The following CAPZB variants were observed in gnomAD, a reference collection of about 807,000 sequenced individuals.
The protein encoded by CAPZB is capping actin protein of muscle Z-line subunit beta.
A neutral mutation model predicts 38.1 loss-of-function variants in CAPZB; 2 were observed. The ratio of observed to expected loss-of-function variants is 0.05; its 90% CI spans 0.02 to 0.17. CAPZB has a LOEUF of 0.17. Among genes scored for constraint, CAPZB ranks in the 10% least tolerant of loss-of-function variants. The pLI is 1.00. For missense variants in CAPZB, 161 were observed against 334.2 expected (o/e 0.48, Z 4.04); for synonymous variants, 107 against 127.4 (o/e 0.84, Z 1.08).
chr1:19,379,286 G>A (rs1440475211), intron 3 of CAPZB, among the ~76,000 whole-genome samples: 2 of 151,912 alleles, frequency 1.3e-5, no homozygotes, highest in East Asian at 3.9e-4. Context: ...TTTAGTAGAG[G>A]CGGAGTTTGG....
chr1:19,400,466 G>A (rs2094297389), intron 2 of CAPZB, among the ~76,000 whole-genome samples: 1 of 152,162 alleles, frequency 6.6e-6, no homozygotes, highest in South Asian at 2.1e-4. Flanking sequence ...TGTTCTAAGG[G>A]GGGCGACCCA....
chr1:19,425,742 T>C (rs1433499123), intron 1 of CAPZB, among the ~76,000 whole-genome samples: 4 of 152,184 alleles, frequency 2.6e-5, no homozygotes, highest in African/African-American at 4.8e-5. Context: ...CATCTAAATA[T>C]CTGCTACAGT....
intron 2 of CAPZB, among the ~76,000 whole-genome samples, chr1:19,409,757 T>C (rs2094349417): frequency 6.6e-6 from 1 of 152,252 alleles, no homozygotes; most frequent in East Asian, 1.9e-4. Context: ...CAAATGCTTT[T>C]CAGAGTGTGT....
intron 2 of CAPZB, among the ~76,000 whole-genome samples, chr1:19,410,570 G>T (rs1400121180): frequency 6.6e-6 from 1 of 152,166 alleles, no homozygotes; most frequent in African/African-American, 2.4e-5. Context: ...CAGCCCAGCC[G>T]GTTGAAGGGA....
intron 2 of CAPZB, among the ~76,000 whole-genome samples, chr1:19,408,380 T>C (rs941867950): frequency 2.0e-5 from 3 of 152,198 alleles, no homozygotes; most frequent in Non-Finnish European, 4.4e-5. Context: ...TTTCGGAAAC[T>C]GTGGGAGATG....
intron 3 of CAPZB, among the ~76,000 whole-genome samples, chr1:19,381,266 C>G (rs1193202435): frequency 1.3e-5 from 2 of 151,570 alleles, no homozygotes; most frequent in Non-Finnish European, 3.0e-5. Context: ...CCCCCGCCCC[C>G]CCACCACAAC....
intron 4 of CAPZB, among the ~76,000 whole-genome samples, chr1:19,358,007 C>T (rs946573901): frequency 7.2e-5 from 11 of 152,226 alleles, no homozygotes; most frequent in African/African-American, 1.7e-4. Context: ...CACCCTGATC[C>T]CTCCTGAGCC....
At chr1:19,395,820 G>A (rs1001633752) in intron 2 of CAPZB, among the ~76,000 whole-genome samples, 3 of 152,176 alleles carry the variant, frequency 2.0e-5, no homozygotes, top group Non-Finnish European at 4.4e-5. Context: ...AACCACCTTC[G>A]AGTCACCAGA....
chr1:19,478,303 C>T (rs2094614131), intron 1 of CAPZB, among the ~76,000 whole-genome samples: 1 of 152,192 alleles, frequency 6.6e-6, no homozygotes, highest in Non-Finnish European at 1.5e-5. Context: ...CACCTATCAT[C>T]CATCCATGTT....
intron 2 of CAPZB, among the ~76,000 whole-genome samples, chr1:19,400,500 GC>G (rs2094297547): frequency 6.6e-6 from 1 of 152,242 alleles, no homozygotes; most frequent in South Asian, 2.1e-4. Flanking sequence ...CAGGGCCAGT[GC>G]CTGCCAACCG....
chr1:19,408,196 A>G lies in CAPZB; in HGVS notation c.93+11465T>C, dbSNP rs150002481. 5.8e-3 allele frequency among the ~76,000 whole-genome samples: 880 copies of G among 152,348 alleles called. 12 individuals carry two copies. The highest frequency in any genetic ancestry group is 0.019 in the African/African-American group (807 of 41,572). ...GAAAACTCAGCCCAAAAGGCTGCCC[A>G]GGGCATCAGGGCACAGCCTCTAGGC... On this transcript the variant is annotated intron_variant, in intron 2 of 8. Coordinates refer to ENST00000264202, the MANE Select transcript of CAPZB (RefSeq NM_004930.5).
At chr1:19,449,218 C>T (rs1040720534) in intron 1 of CAPZB, 26 of 1,133,158 alleles carry the variant, frequency 2.3e-5, no homozygotes, top group South Asian at 1.0e-4. Context: ...TTCCCAAAGC[C>T]GGAACCAGGA....
chr1:19,370,012 C>T (rs1399423184), intron 4 of CAPZB, among the ~76,000 whole-genome samples: 6 of 152,198 alleles, frequency 3.9e-5, no homozygotes, highest in Non-Finnish European at 5.9e-5. Flanking sequence ...AGCCTCCACA[C>T]TACTTCCGAG....
intron 1 of CAPZB, among the ~76,000 whole-genome samples, chr1:19,436,605 A>G (rs2094458852): frequency 1.3e-5 from 2 of 152,304 alleles, no homozygotes; most frequent in Admixed American, 6.5e-5. Context: ...TGCAAAGCAT[A>G]TAGGGTTCGA....
intron 1 of CAPZB, among the ~76,000 whole-genome samples, chr1:19,434,656 G>A (rs7547828): frequency 0.027 from 4,057 of 151,850 alleles, 77 homozygotes; most frequent in African/African-American, 0.043. Context: ...TCTAGCCAAC[G>A]CAGTGGCTCA....
At chr1:19,351,853 G>A (rs7524423) in intron 6 of CAPZB, among the ~76,000 whole-genome samples, 47,846 of 151,992 alleles carry the variant, frequency 0.31, 7,842 homozygotes, top group African/African-American at 0.4. Flanking sequence ...AGGGATCTCC[G>A]GTCCCTTCGT....
chr1:19,470,580 A>G (rs990466677), intron 1 of CAPZB, among the ~76,000 whole-genome samples: 9 of 152,202 alleles, frequency 5.9e-5, no homozygotes, highest in Non-Finnish European at 1.3e-4. Context: ...TGTAGAATCT[A>G]GATTCTAGAG....
At chr1:19,480,416 G>A (rs1195918742) in intron 1 of CAPZB, among the ~76,000 whole-genome samples, 1 of 152,206 alleles carries the variant, frequency 6.6e-6, no homozygotes, top group Non-Finnish European at 1.5e-5. Context: ...CTGAGTGGCA[G>A]ACAGGACTCA....
chr1:19,475,765 T>A (rs908625552), intron 1 of CAPZB, among the ~76,000 whole-genome samples: 7 of 152,190 alleles, frequency 4.6e-5, no homozygotes, highest in Non-Finnish European at 7.3e-5. Context: ...AACCCTTTTT[T>A]ACCTAGGAAA....
Sources: gnomAD v4.1 joint callset for allele counts (sites outside exome capture counted in the v4.1 genomes callset) on GRCh38, gnomAD v4.1.1 for gene constraint, MANE v1.5 for transcripts, NCBI Gene and HGNC (gene_info 2026-07-23, HGNC 2026-07-21) for gene names.